Variants in IL2RA observed in about 807,000 individuals in gnomAD.
The protein encoded by IL2RA is interleukin 2 receptor subunit alpha.
A neutral mutation model predicts 37.8 loss-of-function variants in IL2RA; 24 were observed. The ratio of observed to expected loss-of-function variants is 0.63; its 90% CI spans 0.46 to 0.89. The LOEUF is 0.89. IL2RA is among the 40% of genes least tolerant of loss of function. The pLI, the probability that IL2RA is intolerant of heterozygous loss-of-function variation, is 0.00. For synonymous variants in IL2RA, 125 were observed against 114.6 expected, an observed-to-expected ratio of 1.09 and a Z score of -0.58; for missense variants, 319 against 348.6, an observed-to-expected ratio of 0.92 and a Z score of 0.68.
In IL2RA at chr10:6,020,853, T is replaced by C. The variant is rs921753358; in HGVS notation, c.583+625A>G. 6.6e-6 allele frequency among the ~76,000 whole-genome samples: 1 copy of C among 152,068 alleles called. No homozygotes were observed. The highest frequency in any genetic ancestry group is 2.4e-5 in the African/African-American group (1 of 41,400). ...CAGCCTGCATGTAAGTCACTTTTGA[T>C]TGTCGTGATACTAATAAGATTTCAG... On this transcript the variant is annotated intron_variant, in intron 4 of 7. Transcript: ENST00000379959. The surrounding 1 kb of genome is among the most constrained non-coding windows in gnomAD (Gnocchi z 5.6).
intron 1 of IL2RA, among the ~76,000 whole-genome samples, chr10:6,049,347 G>A (rs1482473277): frequency 6.6e-6 from 1 of 152,170 alleles, no homozygotes; most frequent in East Asian, 1.9e-4. Flanking sequence ...ACACTGGTGA[G>A]GGTGATTTTC....
chr10:6,040,727 AG>A (rs1416014733), intron 1 of IL2RA, among the ~76,000 whole-genome samples: 6 of 152,218 alleles, frequency 3.9e-5, no homozygotes, highest in Non-Finnish European at 7.3e-5. Flanking sequence ...TGACTTTAAA[AG>A]AACCCTCGTT....
chr10:6,044,240 A>G lies in IL2RA; in HGVS notation c.64+17848T>C, dbSNP rs1202589895. On this transcript the variant is annotated intron_variant, in intron 1 of 7. Transcript: ENST00000379959. This position sits in a 1 kb window ranked among gnomAD's most constrained non-coding sequence, Gnocchi z 4.5. ...GCAAGGGTTCTTGGCTTTGCCCAGG[A>G]AGGAATTCAGGGGCAAGCCAGTGGT... 6.6e-6 allele frequency among the ~76,000 whole-genome samples: 1 copy of G among 152,246 alleles called. No individual in the cohort carries two copies. The highest frequency in any genetic ancestry group is 1.5e-5 in the Non-Finnish European group (1 of 68,046).
intron 1 of IL2RA, among the ~76,000 whole-genome samples, chr10:6,041,255 C>A (rs1032595140): frequency 7.2e-5 from 11 of 151,954 alleles, no homozygotes; most frequent in Admixed American, 2.6e-4. Context: ...GCTGGGACTG[C>A]AGGCGCCCAC....
chr10:6,056,025 A>G lies in IL2RA; in HGVS notation c.64+6063T>C, dbSNP rs1391887483. ...GTTTTCTTTTTGACAGAAGCAAACC[A>G]CGGAGTCGCCTTGAGATCAGTCAAA... On this transcript the variant is annotated intron_variant, in intron 1 of 7. Transcript: ENST00000379959. This position sits in a 1 kb window ranked among gnomAD's most constrained non-coding sequence, Gnocchi z 5.0. Among the ~76,000 whole-genome samples, 2 of 152,234 alleles carry G rather than the reference A, an allele frequency of 1.3e-5. No individual in the cohort carries two copies.
chr10:6,034,914 T>TA (rs1385472232), intron 1 of IL2RA, among the ~76,000 whole-genome samples: 1 of 152,262 alleles, frequency 6.6e-6, no homozygotes, highest in Non-Finnish European at 1.5e-5. Context: ...TTTCTCCCTG[T>TA]AATTTTAAAG....
intron 7 of IL2RA, among the ~76,000 whole-genome samples, chr10:6,016,357 GTTATAAATCTCTGTTCT>G (rs971269017): frequency 4.3e-4 from 65 of 151,128 alleles, no homozygotes; most frequent in African/African-American, 1.4e-3. Flanking sequence ...TTCTTTATAA[GTTATAAATCTCTGTTCT>G]TTATAAATCT....
Position 6,036,615 on chromosome 10 carries a change from G to A in IL2RA, c.65-10590C>T, listed in dbSNP as rs1176649907. Reference sequence around the variant, plus strand: ...GTGGAATTATGAGCCCTCTTTCTTCGATTTTGCCACATACCCGCAGCTGCA... The same window carrying A: ...GTGGAATTATGAGCCCTCTTTCTTCAATTTTGCCACATACCCGCAGCTGCA... On this transcript the variant is annotated intron_variant, in intron 1 of 7. Transcript: ENST00000379959. The surrounding 1 kb of genome is among the most constrained non-coding windows in gnomAD (Gnocchi z 6.1). Among the ~76,000 whole-genome samples the A allele has an allele frequency of 6.6e-6, 1 of 152,106 alleles. No homozygotes were observed. Among genetic ancestry groups the A allele is most frequent in the Non-Finnish European group, 1.5e-5 (1 of 68,030 alleles).
intron 1 of IL2RA, among the ~76,000 whole-genome samples, chr10:6,053,631 G>A (rs1002908407): frequency 6.6e-6 from 1 of 152,116 alleles, no homozygotes; most frequent in Admixed American, 6.5e-5. Flanking sequence ...GAAACCAATG[G>A]CTTTCACAAA....
At chr10:6,013,857 C>T (rs540763998) in intron 7 of IL2RA, among the ~76,000 whole-genome samples, 2 of 132,136 alleles carry the variant, frequency 1.5e-5, no homozygotes, top group South Asian at 2.3e-4. Context: ...TTTGAGACAG[C>T]GTCTCAATCT....
At chr10:6,031,473 TATATATATATATATATATATGTATATATA>T (rs1839580718) in intron 1 of IL2RA, among the ~76,000 whole-genome samples, 2 of 16,870 alleles carry the variant, frequency 1.2e-4, no homozygotes, top group African/African-American at 4.0e-4. Flanking sequence ...TATATATATA[TATATATATATATATATATATGTATATATA>T]TATATATATG....
chr10:6,060,722 A>T (rs1840110210), intron 1 of IL2RA, among the ~76,000 whole-genome samples: 1 of 152,124 alleles, frequency 6.6e-6, no homozygotes. Context: ...ACGCCACTGC[A>T]CTCCAGCCTG....
chr10:6,051,501 A>G (rs1344766670), intron 1 of IL2RA, among the ~76,000 whole-genome samples: 1 of 35,604 alleles, frequency 2.8e-5, no homozygotes, highest in Admixed American at 3.5e-4. Flanking sequence ...ACAAATATAT[A>G]TATATATATA....
Position 6,021,791 on chromosome 10 carries a change from C to T in IL2RA, c.368-98G>A, listed in dbSNP as rs1209094841. The T allele has an allele frequency of 2.3e-6, 2 of 885,308 alleles. No homozygotes were observed. Among genetic ancestry groups the T allele is most frequent in the South Asian group, 1.4e-5 (1 of 73,214 alleles). The allele number at this position is 885,308 out of a possible 1,614,324, so 54.8% of individuals were successfully genotyped here. On this transcript the variant is annotated intron_variant, in intron 3 of 7. Coordinates refer to ENST00000379959, the MANE Select transcript of IL2RA (RefSeq NM_000417.3). The surrounding 1 kb of genome is among the most constrained non-coding windows in gnomAD (Gnocchi z 4.9). ...TAGGGACTGGACCTTGGTTCTTACT[C>T]TCTTGACTGCTTGCTCATCCTTTCA...
rs921812320 is a variant in IL2RA, at chr10:6,048,417, G to C, written c.64+13671C>G. Among the ~76,000 whole-genome samples the C allele has an allele frequency of 2.0e-5, 3 of 152,230 alleles. No homozygotes were observed. Among genetic ancestry groups the C allele is most frequent in the Non-Finnish European group, 2.9e-5 (2 of 68,040 alleles). ...GAGGGAGGACAGTTCTGGATGTGTAGACTGAGCAGCCTGTGAGGCATCCAC... is the reference window on the plus strand; with the variant it reads ...GAGGGAGGACAGTTCTGGATGTGTACACTGAGCAGCCTGTGAGGCATCCAC... On this transcript the variant is annotated intron_variant, in intron 1 of 7. Coordinates refer to ENST00000379959, the MANE Select transcript of IL2RA (RefSeq NM_000417.3). This position sits in a 1 kb window ranked among gnomAD's most constrained non-coding sequence, Gnocchi z 5.3.
At chr10:6,019,541 C>T (rs775214486) in intron 5 of IL2RA, 42 bp from the exon 6 acceptor site, 1 of 1,444,622 alleles carries the variant, frequency 6.9e-7, no homozygotes, top group Non-Finnish European at 9.8e-7. Context: ...GCTACCGTGA[C>T]TTTAGGACAG....
At chr10:6,027,018 C>T (rs991624286) in intron 1 of IL2RA, among the ~76,000 whole-genome samples, 4 of 152,128 alleles carry the variant, frequency 2.6e-5, no homozygotes, top group Non-Finnish European at 5.9e-5. Context: ...CTCCTGTCTC[C>T]CCTAAGAACT....
At chr10:6,038,391 T>C (rs41294713) in intron 1 of IL2RA, among the ~76,000 whole-genome samples, 19,070 of 152,278 alleles carry the variant, frequency 0.13, 1,323 homozygotes, top group Non-Finnish European at 0.16. Flanking sequence ...GGGTTATCTA[T>C]ATAATAATAA....
chr10:6,023,343 T>G (rs757597826), intron 3 of IL2RA, among the ~76,000 whole-genome samples: 43 of 152,138 alleles, frequency 2.8e-4, no homozygotes, highest in Admixed American at 2.6e-4. Flanking sequence ...TTTGTTTTGT[T>G]TTTTTGAGGG....
Sources: gnomAD v4.1 joint callset for allele counts (sites outside exome capture counted in the v4.1 genomes callset) on GRCh38, gnomAD v4.1.1 for gene constraint, Gnocchi (gnomAD v3.1) non-coding constraint, MANE v1.5 for transcripts, NCBI Gene and HGNC (gene_info 2026-07-23, HGNC 2026-07-21) for gene names.